The following ANKRD36 variants were observed in gnomAD, a reference collection of about 807,000 sequenced individuals.
The protein encoded by ANKRD36 is ankyrin repeat domain 36, also known as ankyrin repeat domain-containing protein 36A.
In ANKRD36, 179 loss-of-function variants were observed where a neutral mutation model predicts 278.1. The ratio of observed to expected loss-of-function variants is 0.64; its 90% CI spans 0.57 to 0.73. The LOEUF (loss-of-function observed/expected upper bound fraction) is 0.73. Among genes scored for constraint, ANKRD36 ranks in the 30% least tolerant of loss-of-function variants. ANKRD36 has a pLI of 0.00. For missense variants in ANKRD36, 1,159 were observed against 1,956.7 expected, an observed-to-expected ratio of 0.59 and a Z score of 7.69; for synonymous variants, 320 against 641.1, an observed-to-expected ratio of 0.50 and a Z score of 7.57.
intron 10 of ANKRD36, among the ~76,000 whole-genome samples, chr2:97,145,789 A>G (rs1195032461): frequency 1.3e-5 from 2 of 152,000 alleles, no homozygotes; most frequent in Non-Finnish European, 2.9e-5. Context: ...ACAAAAGTGT[A>G]GGCTCATTAT....
intron 5 of ANKRD36, among the ~76,000 whole-genome samples, chr2:97,125,758 G>A (rs1388606801): frequency 1.3e-5 from 2 of 151,812 alleles, no homozygotes; most frequent in African/African-American, 4.8e-5. Flanking sequence ...AGTATCTCAA[G>A]TTTATAAAAT....
At position 97,149,291 on chromosome 2, in the gene ANKRD36, G is replaced by C. The variant is rs1055345594; in HGVS notation, c.1035-4G>C. The C allele has an allele frequency of 1.8e-5, 28 of 1,533,174 alleles. No homozygotes were observed. The highest frequency in any genetic ancestry group is 2.4e-5 in the Non-Finnish European group (27 of 1,144,842). 95.0% of individuals were successfully genotyped at this position (1,533,174 alleles called of 1,614,324 possible). ...CATTTTTGTAATATCTTTTTGCTCT[G>C]TAGGAGTCTCTACAGACCTGATGCT... is the stretch of plus-strand genomic sequence containing the variant. On this transcript the variant is annotated splice_region_variant and splice_polypyrimidine_tract_variant and intron_variant, in intron 11 of 75. Coordinates refer to ENST00000420699, the MANE Select transcript of ANKRD36 (RefSeq NM_001354587.1).
intron 22 of ANKRD36, among the ~76,000 whole-genome samples, chr2:97,170,498 A>C (rs1010356127): frequency 6.6e-6 from 1 of 151,846 alleles, no homozygotes; most frequent in East Asian, 1.9e-4. Flanking sequence ...AACTTTCTAC[A>C]TAGCCATATG....
chr2:97,205,166 C>G (rs1260830084), intron 50 of ANKRD36, among the ~76,000 whole-genome samples: 2 of 151,652 alleles, frequency 1.3e-5, no homozygotes, highest in Non-Finnish European at 2.9e-5. Flanking sequence ...GGAATGATTT[C>G]TGAATGTAAA....
At chr2:97,143,987 C>G (rs199648346) in intron 8 of ANKRD36, among the ~76,000 whole-genome samples, 208 of 123,376 alleles carry the variant, frequency 1.7e-3, no homozygotes, top group Middle Eastern at 4.3e-3. Context: ...TATATTTAAG[C>G]TGATCAATTC....
rs766490006 is a variant in ANKRD36 at position 97,179,918 on chromosome 2, C to CAA, written c.1720_1721insAA (p.Pro574GlnfsTer28). ...TATAGCCACAGAAATAAAGGAGGGA[C>CAA]CAATATCTGGGACAGGTAATTTTGC... On this transcript the variant is annotated frameshift_variant, in exon 24 of 76. Transcript: ENST00000420699. LOFTEE classifies it high-confidence loss of function. The CAA allele has an allele frequency of 6.2e-7, 1 of 1,605,488 alleles. No individual in the cohort carries two copies. Among genetic ancestry groups the CAA allele is most frequent in the Non-Finnish European group, 8.5e-7 (1 of 1,178,276 alleles).
At chr2:97,153,840 A>G (rs960554098) in intron 14 of ANKRD36, among the ~76,000 whole-genome samples, 1 of 146,502 alleles carries the variant, frequency 6.8e-6, no homozygotes, top group African/African-American at 2.4e-5. Context: ...AGCCCATAGG[A>G]AGGAAGATAT....
chr2:97,226,403 T>G (rs557245014), intron 67 of ANKRD36, among the ~76,000 whole-genome samples: 236 of 151,422 alleles, frequency 1.6e-3, no homozygotes, highest in Non-Finnish European at 1.2e-3. Flanking sequence ...TCATGTGTTT[T>G]TTGGCTGCAT....
intron 12 of ANKRD36, among the ~76,000 whole-genome samples, chr2:97,150,614 T>A (rs930027327): frequency 6.6e-6 from 1 of 152,100 alleles, no homozygotes; most frequent in African/African-American, 2.4e-5. Context: ...AATGTATAAG[T>A]TGAGGTGAGT....
intron 30 of ANKRD36, 97 bp downstream of exon 30, chr2:97,185,607 C>T (rs1485951524): frequency 7.1e-7 from 1 of 1,408,912 alleles, no homozygotes; most frequent in Non-Finnish European, 9.8e-7. Flanking sequence ...CAAAGCTGCA[C>T]ATTCTGATTC....
At chr2:97,169,277 C>T (rs1340023757) in intron 22 of ANKRD36, among the ~76,000 whole-genome samples, 2 of 152,354 alleles carry the variant, frequency 1.3e-5, no homozygotes, top group East Asian at 3.9e-4. Flanking sequence ...TATCCTTCAC[C>T]CACTTTTTGA....
At chr2:97,201,447 A>T (rs148890006) in intron 46 of ANKRD36, among the ~76,000 whole-genome samples, 1,302 of 151,788 alleles carry the variant, frequency 8.6e-3, no homozygotes, top group African/African-American at 0.03. Flanking sequence ...CAACTTATTA[A>T]TATCTAATGG....
intron 6 of ANKRD36, among the ~76,000 whole-genome samples, chr2:97,137,118 A>G (rs1430904406): frequency 9.9e-5 from 15 of 151,842 alleles, no homozygotes; most frequent in Non-Finnish European, 1.9e-4. Flanking sequence ...TTTTTTTCCT[A>G]CAAGGTCTAA....
chr2:97,183,631 T>G lies in ANKRD36; in HGVS notation c.1916T>G (p.Met639Arg). ...VSLLNIATRI[M>R]GGGKSGTVSS... ...CTTTTGAATATTGCCACAAGAATAA[T>G]GGGTGGTGGGAAATCTGGAACAGGT... The change falls in exon 28 of 76, where the codon ATG becomes AGG. Residue 639 changes from methionine (M) to arginine (R), a missense_variant. Coordinates refer to ENST00000420699, the MANE Select transcript of ANKRD36 (RefSeq NM_001354587.1). 3 of 1,574,748 alleles carry G rather than the reference T, an allele frequency of 1.9e-6. No individual in the cohort carries two copies. In the African/African-American group the frequency reaches 4.1e-5, roughly 21 times the overall value.
intron 3 of ANKRD36, among the ~76,000 whole-genome samples, chr2:97,122,475 A>G (rs1245436885): frequency 7.6e-5 from 11 of 144,552 alleles, no homozygotes; most frequent in African/African-American, 2.5e-4. Flanking sequence ...AATAATTTAG[A>G]TCATTAATAA....
At chr2:97,187,294 T>G (rs1357334886) in intron 31 of ANKRD36, 35 bp from the exon 32 acceptor site, 43 of 1,595,434 alleles carry the variant, frequency 2.7e-5, no homozygotes, top group African/African-American at 5.4e-5. Flanking sequence ...TTCATTGATT[T>G]ATTTATTTAT....
chr2:97,135,167 G>C (rs2041177002), intron 6 of ANKRD36, among the ~76,000 whole-genome samples: 1 of 151,878 alleles, frequency 6.6e-6, no homozygotes, highest in African/African-American at 2.4e-5. Context: ...TTGAATTAGA[G>C]TGCTTTATCC....
chr2:97,117,476 A>G (rs1005136999), intron 1 of ANKRD36, among the ~76,000 whole-genome samples: 5 of 152,072 alleles, frequency 3.3e-5, no homozygotes, highest in African/African-American at 9.7e-5. Context: ...TAAATGTAAT[A>G]AACAATTAAT....
chr2:97,116,562 C>G (rs1179976513), intron 1 of ANKRD36, among the ~76,000 whole-genome samples: 2 of 152,100 alleles, frequency 1.3e-5, no homozygotes, highest in Non-Finnish European at 2.9e-5. Context: ...GTGTGAGCCA[C>G]TGTGCCTGGC....
Sources: allele counts gnomAD v4.1 joint callset (sites outside exome capture counted in the v4.1 genomes callset), GRCh38; gene constraint gnomAD v4.1.1; transcripts MANE v1.5; gene names NCBI Gene and HGNC (gene_info 2026-07-23, HGNC 2026-07-21).